ATP2B3: variants seen among roughly 807,000 people sequenced by gnomAD.
ATP2B3 encodes plasma membrane calcium-transporting ATPase 3.
Under a neutral mutation model 70.8 loss-of-function variants are expected in ATP2B3, and 12 were observed. The observed-to-expected ratio is 0.17, with a 90% confidence interval of 0.11 to 0.27. The LOEUF is 0.27. ATP2B3 is among the 10% of genes least tolerant of loss of function. ATP2B3 has a pLI of 1.00. For missense variants in ATP2B3, 858 were observed against 1,118.5 expected (o/e 0.77, Z 3.32); for synonymous variants, 460 against 497.8 (o/e 0.92, Z 1.01).
intron 21 of ATP2B3, among the ~76,000 whole-genome samples, chrX:153,576,315 G>A (rs1300605148): frequency 9.0e-6 from 1 of 111,462 alleles, no homozygotes; most frequent in Non-Finnish European, 1.9e-5. Context: ...AGCAGCAATG[G>A]AGGTGAGGAG....
rs868916017 is a variant in ATP2B3, at chrX:153,580,781, C to A, written c.*483C>A. 45 of 93,317 alleles carry A rather than the reference C, an allele frequency of 4.8e-4. No homozygotes were observed. The highest frequency in any genetic ancestry group is 5.8e-4 in the Admixed American group (5 of 8,550). 7.7% of individuals were successfully genotyped at this position (93,317 alleles called of 1,213,427 possible). A position where few individuals can be genotyped will look rare whatever the true frequency, so the allele number is the denominator to read the frequency against. On this transcript the variant is annotated 3_prime_UTR_variant, in exon 22 of 22. Coordinates refer to ENST00000263519, the MANE Select transcript of ATP2B3 (RefSeq NM_001001344.3). ...GGGCAATCAGATCAGCATCTTCATGCAAAAAAAAAAAAAAAGTTGAGTGCT... is the reference window on the plus strand; with the variant it reads ...GGGCAATCAGATCAGCATCTTCATGAAAAAAAAAAAAAAAAGTTGAGTGCT...
chrX:153,577,685 C>T (rs1362893287), intron 21 of ATP2B3, among the ~76,000 whole-genome samples: 3 of 112,717 alleles, frequency 2.7e-5, no homozygotes, highest in Non-Finnish European at 5.6e-5. Flanking sequence ...CATCTGCCGT[C>T]TGGCAGATGT....
intron 21 of ATP2B3, among the ~76,000 whole-genome samples, chrX:153,570,916 C>T (rs1396079922): frequency 9.3e-6 from 1 of 107,798 alleles, no homozygotes; most frequent in Non-Finnish European, 1.9e-5. Flanking sequence ...CCTCCTCTTG[C>T]ATAAGCTGTC....
At chrX:153,525,509 T>C (rs1479368691) in intron 2 of ATP2B3, among the ~76,000 whole-genome samples, 1 of 111,917 alleles carries the variant, frequency 8.9e-6, no homozygotes, top group African/African-American at 3.3e-5. Context: ...CAAGGGTCCA[T>C]TCCGCCCCCC....
intron 2 of ATP2B3, among the ~76,000 whole-genome samples, chrX:153,533,963 C>T (rs981837456): frequency 1.8e-5 from 2 of 111,944 alleles, no homozygotes; most frequent in African/African-American, 6.5e-5. Context: ...GACCGTGCCA[C>T]GAGGAACCCC....
At chrX:153,566,074 C>T (rs1205512371) in intron 21 of ATP2B3, among the ~76,000 whole-genome samples, 2 of 112,570 alleles carry the variant, frequency 1.8e-5, no homozygotes, top group Admixed American at 9.3e-5. Context: ...CGGCCTGGCC[C>T]CTCTCCCACC....
At position 153,556,906 on chromosome X, in the gene ATP2B3, C is replaced by G. The variant is rs2090546782; in HGVS notation, c.2327-11C>G. The G allele has an allele frequency of 3.4e-6, 4 of 1,178,315 alleles. No individual in the cohort carries two copies. In the East Asian group the frequency reaches 1.3e-4, roughly 37 times the overall value. On this transcript the variant is annotated splice_polypyrimidine_tract_variant and intron_variant, in intron 15 of 21. Coordinates refer to ENST00000263519, the MANE Select transcript of ATP2B3 (RefSeq NM_001001344.3). ...GGCCCCAGCCCTGCCCTGCCCTGAT[C>G]TGTCTTCCAGGGATTATCGACAGCA... is the stretch of plus-strand genomic sequence containing the variant.
chrX:153,541,087 C>G (rs2090271971), intron 3 of ATP2B3, among the ~76,000 whole-genome samples: 1 of 112,213 alleles, frequency 8.9e-6, no homozygotes, highest in African/African-American at 3.2e-5. Context: ...AGCCTCCTGG[C>G]CTGTTTTGTC....
chrX:153,546,236 C>T, intron 8 of ATP2B3, 107 bp downstream of exon 8: 3 of 962,327 alleles, frequency 3.1e-6, no homozygotes, highest in Admixed American at 2.5e-5. Flanking sequence ...GCAGGAGCAA[C>T]ACTTGGAGAC....
rs782098643 is a variant in ATP2B3 at position 153,523,042 on chromosome X, C to T, written c.-127+4491C>T. On this transcript the variant is annotated intron_variant, in intron 2 of 21. Transcript: ENST00000263519. ...GTAAATCCAACATCTCCATTTGATTCATTTCACATTGCTGTCATTATACCA... is the reference window on the plus strand; with the variant it reads ...GTAAATCCAACATCTCCATTTGATTTATTTCACATTGCTGTCATTATACCA... 7.1e-4 allele frequency among the ~76,000 whole-genome samples: 80 copies of T among 112,166 alleles called. 1 individual carries two copies. Among genetic ancestry groups the T allele is most frequent in the African/African-American group, 2.4e-3 (75 of 30,940 alleles).
At chrX:153,569,522 C>G (rs893980882) in intron 21 of ATP2B3, 2 of 1,095,324 alleles carry the variant, frequency 1.8e-6, no homozygotes, top group Non-Finnish European at 2.5e-6. Flanking sequence ...AGTGGTGGCC[C>G]CTATCCTCGC....
At position 153,541,899 on chromosome X, in the gene ATP2B3, G is replaced by T. The variant is rs782501292; in HGVS notation, c.637G>T (p.Val213Leu). ...LLQVPVAALV[V>L]GDIAQVKYGD... The stretch of plus-strand genomic sequence containing the variant: ...CCAGGTCCCCGTGGCTGCGCTGGTG[G>T]TGGGGGACATTGCCCAGGTCAAGTA... Residue 213 changes from valine to leucine, a missense_variant, in exon 5 of 22, where the codon GTG (valine) becomes TTG (leucine). By Grantham distance (32) the Val-to-Leu change is conservative. Coordinates refer to ENST00000263519, the MANE Select transcript of ATP2B3 (RefSeq NM_001001344.3). 1.7e-6 allele frequency: 2 copies of T among 1,211,509 alleles called. No homozygotes were observed. Among genetic ancestry groups the T allele is most frequent in the Non-Finnish European group, 2.2e-6 (2 of 895,516 alleles).
intron 21 of ATP2B3, chrX:153,569,254 G>A (rs782471101): frequency 4.3e-6 from 2 of 469,864 alleles, no homozygotes; most frequent in Admixed American, 4.7e-5. Flanking sequence ...AGGTGTGTTG[G>A]AGAGGAAAAA....
chrX:153,569,435 C>T, intron 21 of ATP2B3: 1 of 583,529 alleles, frequency 1.7e-6, no homozygotes, highest in Non-Finnish European at 2.8e-6. Flanking sequence ...TGGCCTCAGT[C>T]AGGGCCCTGT....
intron 16 of ATP2B3, 58 bp from the exon 17 acceptor site, chrX:153,558,054 G>A (rs1213221793): frequency 1.8e-6 from 2 of 1,126,254 alleles, no homozygotes; most frequent in South Asian, 2.2e-5. Context: ...TGATCAAGGG[G>A]GGCTGGGGAA....
At chrX:153,534,356 C>T (rs1322575335) in intron 2 of ATP2B3, among the ~76,000 whole-genome samples, 4 of 112,154 alleles carry the variant, frequency 3.6e-5, no homozygotes, top group Non-Finnish European at 5.6e-5. Flanking sequence ...AAGGGCAATT[C>T]GTCCACACAG....
rs1557022758 is a variant in ATP2B3 at position 153,580,700 on chromosome X, G to C, written c.*402G>C. 1 of 134,993 alleles carries C rather than the reference G, an allele frequency of 7.4e-6. No homozygotes were observed. Among genetic ancestry groups the C allele is most frequent in the Non-Finnish European group, 1.5e-5 (1 of 68,084 alleles). The allele number at this position is 134,993 out of a possible 1,213,427, so 11.1% of individuals were successfully genotyped here. On this transcript the variant is annotated 3_prime_UTR_variant, in exon 22 of 22. Coordinates refer to ENST00000263519, the MANE Select transcript of ATP2B3 (RefSeq NM_001001344.3). The stretch of plus-strand genomic sequence containing the variant: ...ACCGTGTGTTTGCCATTTGAGCTGT[G>C]TGGTGGGCAGGGGGCTGGTTTGGGT...
intron 13 of ATP2B3, among the ~76,000 whole-genome samples, chrX:153,554,965 C>G (rs1557012974): frequency 8.9e-6 from 1 of 112,252 alleles, no homozygotes; most frequent in Non-Finnish European, 1.9e-5. Context: ...AGGCTCGTCA[C>G]GGCCACTTGG....
chrX:153,573,508 C>T (rs2090817619), intron 21 of ATP2B3, among the ~76,000 whole-genome samples: 1 of 113,047 alleles, frequency 8.8e-6, no homozygotes, highest in African/African-American at 3.2e-5. Flanking sequence ...AACCCTCCCC[C>T]AAGAGCCCTG....
Sources: gnomAD v4.1 joint callset for allele counts (sites outside exome capture counted in the v4.1 genomes callset) on GRCh38, gnomAD v4.1.1 for gene constraint, MANE v1.5 for transcripts, NCBI Gene and HGNC (gene_info 2026-07-23, HGNC 2026-07-21) for gene names.